Variants in ALMS1 observed in about 807,000 individuals in gnomAD.
ALMS1 encodes centrosome-associated protein ALMS1.
ALMS1 carries 271 observed loss-of-function variants against 352.2 expected under a neutral mutation model. The observed-to-expected ratio is 0.77, with a 90% confidence interval of 0.70 to 0.85. ALMS1 has a LOEUF of 0.85. ALMS1 is among the 40% of genes least tolerant of loss of function. ALMS1 has a pLI of 0.00. For synonymous variants in ALMS1, 1,865 were observed against 1,761.2 expected (o/e 1.06, Z -1.48); for missense variants, 5,445 against 4,870.7 (o/e 1.12, Z -3.51).
At chr2:73,487,102 G>A (rs1672865255) in intron 9 of ALMS1, among the ~76,000 whole-genome samples, 1 of 152,202 alleles carries the variant, frequency 6.6e-6, no homozygotes, top group Non-Finnish European at 1.5e-5. Flanking sequence ...CAGGGTGTCA[G>A]TTTGCAAGCT....
chr2:73,441,254 C>G (rs1316566792), intron 7 of ALMS1, among the ~76,000 whole-genome samples: 4 of 152,196 alleles, frequency 2.6e-5, no homozygotes, highest in Non-Finnish European at 5.9e-5. Context: ...CTCTGGGTTT[C>G]TCAATGCTGG....
chr2:73,513,839 T>A (rs1340018114), intron 10 of ALMS1, among the ~76,000 whole-genome samples: 1 of 152,146 alleles, frequency 6.6e-6, no homozygotes, highest in African/African-American at 2.4e-5. Flanking sequence ...ATTCTAATAC[T>A]CTGTGCTAGG....
intron 16 of ALMS1, among the ~76,000 whole-genome samples, chr2:73,583,233 G>A (rs1675228212): frequency 6.9e-6 from 1 of 144,076 alleles, no homozygotes. Context: ...TCACTGTTTT[G>A]TCCATCCTGG....
chr2:73,395,018 A>ATATATATGTG (rs1339014002), intron 1 of ALMS1, among the ~76,000 whole-genome samples: 1 of 142,360 alleles, frequency 7.0e-6, no homozygotes, highest in African/African-American at 2.6e-5. Flanking sequence ...ATATATGTGT[A>ATATATATGTG]TATATATGTG....
intron 3 of ALMS1, among the ~76,000 whole-genome samples, chr2:73,419,896 G>A (rs1435263049): frequency 6.6e-6 from 1 of 152,172 alleles, no homozygotes; most frequent in East Asian, 1.9e-4. Context: ...CAATTATGAA[G>A]ATGGTTTTAT....
chr2:73,528,472 A>G (rs545681649), intron 11 of ALMS1, among the ~76,000 whole-genome samples: 2 of 152,384 alleles, frequency 1.3e-5, no homozygotes, highest in South Asian at 4.1e-4. Context: ...TTATCATTAT[A>G]TAATGACCTT....
intron 16 of ALMS1, among the ~76,000 whole-genome samples, chr2:73,574,331 G>A (rs2104111158): frequency 6.6e-6 from 1 of 152,230 alleles, no homozygotes. Context: ...CACTAGACAT[G>A]CTCTCCAAAG....
intron 3 of ALMS1, among the ~76,000 whole-genome samples, chr2:73,422,477 T>C (rs1187757624): frequency 6.6e-6 from 1 of 152,298 alleles, no homozygotes; most frequent in African/African-American, 2.4e-5. Flanking sequence ...GAAACACTCA[T>C]AATAGTTAAG....
Position 73,453,426 on chromosome 2 carries a change from T to G in ALMS1, c.6899T>G (p.Val2300Gly). ...SDISFIQSKK[V>G]VCFKEPSSTG... ...ATTTCATTTATACAATCTAAGAAGG[T>G]GGTTTGCTTCAAAGAACCCTCTTCC... The change falls in exon 8 of 23, where the codon GTG becomes GGG. Residue 2300 changes from valine (V) to glycine (G), a missense_variant. By Grantham distance (109) the Val-to-Gly change is moderately radical. Transcript: ENST00000613296. 6.2e-7 allele frequency: 1 copy of G among 1,613,324 alleles called. No homozygotes were observed. Among genetic ancestry groups the G allele is most frequent in the Non-Finnish European group, 8.5e-7 (1 of 1,179,616 alleles).
rs1553409778 is a variant in ALMS1, at chr2:73,490,746, C to CT, written c.8790dup (p.Glu2931Ter). On this transcript the variant is annotated frameshift_variant, in exon 10 of 23. Coordinates refer to ENST00000613296, the MANE Select transcript of ALMS1 (RefSeq NM_001378454.1). LOFTEE classifies it high-confidence loss of function. ...GCATTTTTCTTGAACAACGAGAACT[C>CT]TTTGAACAGTGCAAAGCCCCATATG... 3 of 1,614,166 alleles carry CT rather than the reference C, an allele frequency of 1.9e-6. No homozygotes were observed. The South Asian group carries it at 3.3e-5, about 18-fold the overall frequency.
intron 10 of ALMS1, 73 bp from the exon 11 acceptor site, chr2:73,519,702 A>G: frequency 6.3e-7 from 1 of 1,594,720 alleles, no homozygotes; most frequent in Non-Finnish European, 8.6e-7. Context: ...CCTTGAAACC[A>G]CTTTTGGAAA....
At chr2:73,533,283 C>G (rs1482071373) in intron 11 of ALMS1, among the ~76,000 whole-genome samples, 3 of 152,164 alleles carry the variant, frequency 2.0e-5, no homozygotes, top group Non-Finnish European at 2.9e-5. Flanking sequence ...AGCACATCAC[C>G]AAGACTTTCC....
rs74730457 is a variant in ALMS1 at position 73,534,969 on chromosome 2, C to A, written c.9907+20C>A. The stretch of plus-strand genomic sequence containing the variant: ...ATTCAGGTATTATGCAGAAATTATT[C>A]GAAGTTTTATTGTTTGATATTTTAT... On this transcript the variant is annotated intron_variant, in intron 12 of 22. Transcript: ENST00000613296. The A allele has an allele frequency of 8.1e-6, 13 of 1,613,132 alleles. No homozygotes were observed. The South Asian group carries it at 1.4e-4, about 18-fold the overall frequency.
intron 10 of ALMS1, among the ~76,000 whole-genome samples, chr2:73,519,376 G>A (rs1429204059): frequency 6.6e-6 from 1 of 152,044 alleles, no homozygotes; most frequent in Non-Finnish European, 1.5e-5. Flanking sequence ...AAAACTCCTA[G>A]TTCTCCCAGA....
Position 73,454,048 on chromosome 2 carries a change from A to G in ALMS1, c.7521A>G (p.Glu2507=). The G allele has an allele frequency of 6.2e-7, 1 of 1,612,112 alleles. No individual in the cohort carries two copies. Among genetic ancestry groups the G allele is most frequent in the Non-Finnish European group, 8.5e-7 (1 of 1,179,022 alleles). The change falls in exon 8 of 23, where the codon GAA becomes GAG. Residue 2507 remains glutamate, a synonymous_variant. Transcript: ENST00000613296. ...TACTCAGAAATGCAGAGGAAGAGGAAAGCCGGGTACGAGCACATGGTAAGA... is the reference window on the plus strand; with the variant it reads ...TACTCAGAAATGCAGAGGAAGAGGAGAGCCGGGTACGAGCACATGGTAAGA... The part of the protein sequence containing the change: ...KEILRNAEEE[E]SRVRAHAWNM...
intron 7 of ALMS1, among the ~76,000 whole-genome samples, chr2:73,442,487 C>T (rs1286825731): frequency 6.6e-6 from 1 of 152,110 alleles, no homozygotes; most frequent in African/African-American, 2.4e-5. Flanking sequence ...GCCTTTATAA[C>T]CTTACCATAA....
intron 10 of ALMS1, among the ~76,000 whole-genome samples, chr2:73,501,826 G>A (rs1400933087): frequency 6.6e-6 from 1 of 151,918 alleles, no homozygotes; most frequent in Non-Finnish European, 1.5e-5. Flanking sequence ...TTTTTTTGGG[G>A]ATTGTATGGA....
At chr2:73,485,465 C>G (rs1361160772) in intron 9 of ALMS1, among the ~76,000 whole-genome samples, 1 of 152,224 alleles carries the variant, frequency 6.6e-6, no homozygotes, top group African/African-American at 2.4e-5. Flanking sequence ...GGGAGAACCA[C>G]TGCTCTCTTC....
chr2:73,479,481 A>G (rs769513290), intron 9 of ALMS1, among the ~76,000 whole-genome samples: 1 of 152,200 alleles, frequency 6.6e-6, no homozygotes, highest in East Asian at 1.9e-4. Flanking sequence ...ATAGTATGCA[A>G]CCTTATTGTA....
Sources: gnomAD v4.1 joint callset for allele counts (sites outside exome capture counted in the v4.1 genomes callset) on GRCh38, gnomAD v4.1.1 for gene constraint, MANE v1.5 for transcripts, NCBI Gene and HGNC (gene_info 2026-07-23, HGNC 2026-07-21) for gene names.